THRB: variants seen among roughly 807,000 people sequenced by gnomAD.
THRB encodes nuclear receptor subfamily 1 group A member 2.
THRB carries 12 observed loss-of-function variants against 47.8 expected under a neutral mutation model. That is an observed-to-expected ratio of 0.25 (90% CI 0.16 to 0.41). THRB has a LOEUF of 0.41. THRB is among the 10% of genes least tolerant of loss of function. The pLI is 1.00. For missense variants in THRB, 348 were observed against 589.2 expected (o/e 0.59, Z 4.24); for synonymous variants, 218 against 212.2 (o/e 1.03, Z -0.24).
intron 3 of THRB, among the ~76,000 whole-genome samples, chr3:24,232,583 T>C (rs4858110): frequency 0.44 from 66,455 of 152,024 alleles, 15,196 homozygotes; most frequent in South Asian, 0.59. Context: ...CATGGACTAC[T>C]CTGCAAGGAA....
rs1559499553 is a variant in THRB at position 24,168,490 on chromosome 3, A to ATATATATATATATATAT, written c.284-16001_284-16000insATATATATATATATATA. 9.5e-4 allele frequency among the ~76,000 whole-genome samples: 131 copies of ATATATATATATATATAT among 137,968 alleles called. 4 individuals are homozygous for ATATATATATATATATAT. The highest frequency in any genetic ancestry group is 1.3e-3 in the African/African-American group (49 of 37,446). 90.5% of individuals were successfully genotyped at this position (137,968 alleles called of 152,430 possible). On this transcript the variant is annotated intron_variant, in intron 5 of 10. Transcript: ENST00000646209. ...TCCGATTAGAAGTGTTTCAATCAATAATATATATATATATATATATGCGCC... is the reference window on the plus strand; with the variant it reads ...TCCGATTAGAAGTGTTTCAATCAATATATATATATATATATATATATATATATATATATATATGCGCC...
At chr3:24,182,036 C>T (rs1372807204) in intron 5 of THRB, among the ~76,000 whole-genome samples, 2 of 152,084 alleles carry the variant, frequency 1.3e-5, no homozygotes, top group African/African-American at 4.8e-5. Flanking sequence ...CCCATCTCTA[C>T]TAAAAATACA....
intron 2 of THRB, among the ~76,000 whole-genome samples, chr3:24,316,510 C>T (rs1406677637): frequency 6.6e-6 from 1 of 151,888 alleles, no homozygotes; most frequent in Admixed American, 6.6e-5. Context: ...TCCCCCACCA[C>T]ATGCTACAGT....
At chr3:24,283,905 A>C (rs1461406598) in intron 3 of THRB, among the ~76,000 whole-genome samples, 7 of 146,822 alleles carry the variant, frequency 4.8e-5, no homozygotes, top group Admixed American at 2.0e-4. Flanking sequence ...GGAGAACTAC[A>C]AACCACTGCT....
chr3:24,234,657 G>T lies in THRB; in HGVS notation c.-42-5656C>A, dbSNP rs73144460. The stretch of plus-strand genomic sequence containing the variant: ...GGTGAAGAACCAACCTGTAACTCAG[G>T]GGCAGAAGAGCTGAACAAGAGGGAT... On this transcript the variant is annotated intron_variant, in intron 3 of 10. Transcript: ENST00000646209. 9.4e-3 allele frequency among the ~76,000 whole-genome samples: 1,437 copies of T among 152,270 alleles called. 28 individuals carry two copies. The highest frequency in any genetic ancestry group is 0.032 in the African/African-American group (1,346 of 41,546).
At chr3:24,237,789 C>T (rs895321738) in intron 3 of THRB, among the ~76,000 whole-genome samples, 1 of 152,104 alleles carries the variant, frequency 6.6e-6, no homozygotes, top group African/African-American at 2.4e-5. Context: ...AAATCCGATT[C>T]CTGTGTTGAG....
At chr3:24,373,700 C>T (rs2065071546) in intron 1 of THRB, among the ~76,000 whole-genome samples, 1 of 152,070 alleles carries the variant, frequency 6.6e-6, no homozygotes, top group Non-Finnish European at 1.5e-5. Context: ...TAAATATGGC[C>T]TGAGAAGGAT....
intron 1 of THRB, among the ~76,000 whole-genome samples, chr3:24,434,897 A>G (rs6762841): frequency 0.082 from 12,537 of 152,170 alleles, 1,010 homozygotes; most frequent in African/African-American, 0.21. Context: ...TGCTTGCCAT[A>G]CTGGTCATCG....
intron 2 of THRB, among the ~76,000 whole-genome samples, chr3:24,299,789 ATT>A (rs66468679): frequency 2.9e-5 from 2 of 69,082 alleles, no homozygotes; most frequent in African/African-American, 5.4e-5. Context: ...TTATTTATTT[ATT>A]TTTTTTTTTT....
intron 2 of THRB, among the ~76,000 whole-genome samples, chr3:24,308,666 A>C (rs1015077745): frequency 6.6e-6 from 1 of 152,202 alleles, no homozygotes; most frequent in Admixed American, 6.5e-5. Flanking sequence ...AGAACTCTAT[A>C]CTTACATTTT....
chr3:24,143,631 T>C lies in THRB; in HGVS notation c.608A>G (p.Glu203Gly). 1.9e-6 allele frequency: 3 copies of C among 1,614,218 alleles called. No homozygotes were observed. Among genetic ancestry groups the C allele is most frequent in the Non-Finnish European group, 2.5e-6 (3 of 1,180,036 alleles). Residue 203 changes from glutamate to glycine, a missense_variant, in exon 8 of 11, where the codon GAG becomes GGG. Glu to Gly is a moderately conservative substitution (Grantham distance 98). Coordinates refer to ENST00000646209, the MANE Select transcript of THRB (RefSeq NM_001354712.2). ...CTTGTGCCCGATGGACTTCTGCAGCTCTTCCCGCCGTCTTTTCTCCCGGTT... is the reference window on the plus strand; with the variant it reads ...CTTGTGCCCGATGGACTTCTGCAGCCCTTCCCGCCGTCTTTTCTCCCGGTT... The part of the protein sequence containing the change: ...EENREKRRRE[E>G]LQKSIGHKPE...
At chr3:24,161,457 A>G (rs1559484023) in intron 5 of THRB, among the ~76,000 whole-genome samples, 1 of 152,132 alleles carries the variant, frequency 6.6e-6, no homozygotes, top group East Asian at 1.9e-4. Context: ...AAGAGAAGAT[A>G]GAGGAAGAAA....
chr3:24,280,310 C>G (rs2054421645), intron 3 of THRB, among the ~76,000 whole-genome samples: 1 of 152,168 alleles, frequency 6.6e-6, no homozygotes, highest in Admixed American at 6.5e-5. Context: ...CTGGGAGGCA[C>G]ACCCCAGCAG....
At chr3:24,126,908 T>C (rs1372045209) in intron 10 of THRB, among the ~76,000 whole-genome samples, 3 of 152,148 alleles carry the variant, frequency 2.0e-5, no homozygotes, top group Non-Finnish European at 4.4e-5. Flanking sequence ...TGGGACTCTT[T>C]CTCTTGGAAA....
intron 2 of THRB, among the ~76,000 whole-genome samples, chr3:24,310,623 C>G (rs2057688865): frequency 6.6e-6 from 1 of 152,170 alleles, no homozygotes; most frequent in Non-Finnish European, 1.5e-5. Context: ...CTGATTTGAG[C>G]ACCACATTTT....
At chr3:24,257,682 G>A (rs139328964) in intron 3 of THRB, among the ~76,000 whole-genome samples, 5 of 152,332 alleles carry the variant, frequency 3.3e-5, no homozygotes, top group African/African-American at 1.2e-4. Context: ...AATGAGCACA[G>A]CCCAATAAAA....
At chr3:24,240,126 G>A (rs1023363149) in intron 3 of THRB, among the ~76,000 whole-genome samples, 2 of 152,192 alleles carry the variant, frequency 1.3e-5, no homozygotes, top group African/African-American at 2.4e-5. Flanking sequence ...AAGTCTAGAA[G>A]TGTGATTTGC....
chr3:24,432,821 A>T (rs2070579670), intron 1 of THRB, among the ~76,000 whole-genome samples: 1 of 152,076 alleles, frequency 6.6e-6, no homozygotes, highest in Non-Finnish European at 1.5e-5. Flanking sequence ...AGCTCACAAC[A>T]GCTAGTTGGA....
intron 1 of THRB, among the ~76,000 whole-genome samples, chr3:24,456,813 A>T (rs113155710): frequency 5.3e-5 from 8 of 152,110 alleles, no homozygotes; most frequent in African/African-American, 1.9e-4. Flanking sequence ...TCTCTTTCAG[A>T]GTTTCATTGT....
Sources: allele counts gnomAD v4.1 joint callset (sites outside exome capture counted in the v4.1 genomes callset), GRCh38; gene constraint gnomAD v4.1.1; transcripts MANE v1.5; gene names NCBI Gene and HGNC (gene_info 2026-07-23, HGNC 2026-07-21).